Variants in NET1 observed in about 807,000 individuals in gnomAD.
NET1 encodes neuroepithelial cell-transforming gene 1 protein.
A neutral mutation model predicts 61.1 loss-of-function variants in NET1; 42 were observed. The observed-to-expected ratio is 0.69, with a 90% CI of 0.54 to 0.89. The LOEUF (loss-of-function observed/expected upper bound fraction) is 0.89, where lower values mean the gene tolerates loss of function less well. Ranked by LOEUF, NET1 falls within the 40% of genes least tolerant of loss-of-function variation. The probability of loss-of-function intolerance (pLI) is 0.00; values close to 1 mark genes in which losing one functional copy is unlikely to be tolerated. For synonymous variants in NET1, 254 were observed against 281.8 expected (o/e 0.90, Z 0.99); for missense variants, 654 against 747.3 (o/e 0.88, Z 1.46).
chr10:5,428,649 A>G (rs1402356893), intron 2 of NET1, among the ~76,000 whole-genome samples: 1 of 152,064 alleles, frequency 6.6e-6, no homozygotes, highest in Non-Finnish European at 1.5e-5. Context: ...GTGATGACTT[A>G]GTCAGGGGAG....
chr10:5,429,303 A>G, intron 3 of NET1, 74 bp downstream of exon 3: 1 of 1,149,570 alleles, frequency 8.7e-7, no homozygotes, highest in Non-Finnish European at 1.2e-6. Flanking sequence ...TGCTGCAAGA[A>G]TAACAAATGC....
Position 5,452,939 on chromosome 10 carries a change from A to G in NET1, c.594+19A>G. 1 of 1,476,010 alleles carries G rather than the reference A, an allele frequency of 6.8e-7. No homozygotes were observed. The highest frequency in any genetic ancestry group is 9.5e-7 in the Non-Finnish European group (1 of 1,055,666). The allele number at this position is 1,476,010 out of a possible 1,614,324, so 91.4% of individuals were successfully genotyped here. A position where few individuals can be genotyped will look rare whatever the true frequency, so the allele number is the denominator to read the frequency against. ...AAGAAAGGTCAGTAAATAACTTTTT[A>G]TCAGATGCCCTAGTTTTTAAAAATT... On this transcript the variant is annotated intron_variant, in intron 6 of 11. Transcript: ENST00000355029. This position sits in a 1 kb window ranked among gnomAD's most constrained non-coding sequence, Gnocchi z 4.0.
chr10:5,440,452 G>T lies in NET1; in HGVS notation c.255+11223G>T, dbSNP rs908063411. 6.6e-6 allele frequency among the ~76,000 whole-genome samples: 1 copy of T among 152,170 alleles called. No homozygotes were observed. Among genetic ancestry groups the T allele is most frequent in the African/African-American group, 2.4e-5 (1 of 41,436 alleles). On this transcript the variant is annotated intron_variant, in intron 3 of 11. Coordinates refer to ENST00000355029, the MANE Select transcript of NET1 (RefSeq NM_001047160.3). This position sits in a 1 kb window ranked among gnomAD's most constrained non-coding sequence, Gnocchi z 4.1. ...GGAACTACCACTTAAGTTTACAGTG[G>T]TCCACTGTCATTTACCACAGTCCAC... is the stretch of plus-strand genomic sequence containing the variant.
In NET1 at chr10:5,453,322, G is replaced by T. The variant is rs1198987509; in HGVS notation, c.667G>T (p.Asp223Tyr). 6.2e-7 allele frequency: 1 copy of T among 1,611,606 alleles called. No individual in the cohort carries two copies. The highest frequency in any genetic ancestry group is 8.5e-7 in the Non-Finnish European group (1 of 1,177,890). Residue 223 changes from aspartate to tyrosine, a missense_variant, in exon 7 of 12, where the codon GAC becomes TAC. By Grantham distance (160) the Asp-to-Tyr change is radical (BLOSUM62 -3). Coordinates refer to ENST00000355029, the MANE Select transcript of NET1 (RefSeq NM_001047160.3). This position sits in a 1 kb window ranked among gnomAD's most constrained non-coding sequence, Gnocchi z 4.9. The part of the protein sequence containing the change: ...EELTHIFGDL[D>Y]SYIPLHEDLL... ...ACTCACACATATATTTGGTGATCTG[G>T]ACTCTTACATACCTCTGCATGAAGG... is the stretch of plus-strand genomic sequence containing the variant.
In NET1 at chr10:5,422,279, G is replaced by C. The variant is rs1832187404; in HGVS notation, c.129-4376G>C. 6.6e-6 allele frequency among the ~76,000 whole-genome samples: 1 copy of C among 151,928 alleles called. No individual in the cohort carries two copies. Among genetic ancestry groups the C allele is most frequent in the South Asian group, 2.1e-4 (1 of 4,816 alleles). On this transcript the variant is annotated intron_variant, in intron 1 of 11. Transcript: ENST00000355029. This position sits in a 1 kb window ranked among gnomAD's most constrained non-coding sequence, Gnocchi z 4.1. ...TTGAACCCTGGAGGCGGAGGTTGTA[G>C]TGAGCCGAGATCGTACCACTGCACT...
rs147248899 is a variant in NET1 at position 5,435,700 on chromosome 10, T to C, written c.255+6471T>C. ...ACGTATTTGGACTTTGGATATCTTATATGAAGAATTTAATTCTGATGTCAA... is the reference window on the plus strand; with the variant it reads ...ACGTATTTGGACTTTGGATATCTTACATGAAGAATTTAATTCTGATGTCAA... On this transcript the variant is annotated intron_variant, in intron 3 of 11. Coordinates refer to ENST00000355029, the MANE Select transcript of NET1 (RefSeq NM_001047160.3). The surrounding 1 kb of genome is among the most constrained non-coding windows in gnomAD (Gnocchi z 5.0). Among the ~76,000 whole-genome samples, 353 of 152,334 alleles carry C rather than the reference T, an allele frequency of 2.3e-3. 3 individuals carry two copies. The highest frequency in any genetic ancestry group is 8.0e-3 in the African/African-American group (334 of 41,576).
rs546784500 is a variant in NET1 at position 5,430,535 on chromosome 10, C to T, written c.255+1306C>T. 6.6e-5 allele frequency among the ~76,000 whole-genome samples: 10 copies of T among 151,922 alleles called. No individual in the cohort carries two copies. The South Asian group carries it at 1.0e-3, about 16-fold the overall frequency. ...GATTACAGGTGTGTGCCACCATGCC[C>T]GGCTAATTTTTGTATTTTTAGTAGA... is the stretch of plus-strand genomic sequence containing the variant. On this transcript the variant is annotated intron_variant, in intron 3 of 11. Coordinates refer to ENST00000355029, the MANE Select transcript of NET1 (RefSeq NM_001047160.3).
Position 5,453,137 on chromosome 10 carries a change from G to A in NET1, c.595-113G>A, listed in dbSNP as rs1588440323. 1.3e-6 allele frequency: 1 copy of A among 766,756 alleles called. No homozygotes were observed. The highest frequency in any genetic ancestry group is 2.3e-6 in the Non-Finnish European group (1 of 438,718). 47.5% of individuals were successfully genotyped at this position (766,756 alleles called of 1,614,324 possible). The stretch of plus-strand genomic sequence containing the variant: ...TACATACTAATTTATTTTATGTGTA[G>A]CAAACAGAATCCACGCTAGCTTTTA... On this transcript the variant is annotated intron_variant, in intron 6 of 11. Coordinates refer to ENST00000355029, the MANE Select transcript of NET1 (RefSeq NM_001047160.3). The surrounding 1 kb of genome is among the most constrained non-coding windows in gnomAD (Gnocchi z 4.9).
rs754039301 is a variant in NET1 at position 5,456,642 on chromosome 10, C to T, written c.1439C>T (p.Thr480Ile). ...GACCCCTCTCCAGCCCAGTCTCACA[C>T]TCTGCAAGCCAATGACGTGTTCCAC... Reference protein sequence around the residue: ...FHDPSPAQSHTLQANDVFHKQ... With the variant: ...FHDPSPAQSHILQANDVFHKQ... The change falls in exon 12 of 12, where the codon ACT becomes ATT. Residue 480 changes from threonine (T) to isoleucine (I), a missense_variant. By Grantham distance (89) the Thr-to-Ile change is moderately conservative. Coordinates refer to ENST00000355029, the MANE Select transcript of NET1 (RefSeq NM_001047160.3). This position sits in a 1 kb window ranked among gnomAD's most constrained non-coding sequence, Gnocchi z 7.0. 1.2e-6 allele frequency: 2 copies of T among 1,608,402 alleles called. No individual in the cohort carries two copies. Among genetic ancestry groups the T allele is most frequent in the African/African-American group, 2.7e-5 (2 of 74,596 alleles).
In NET1 at chr10:5,451,935, C is replaced by G; in HGVS notation, c.361C>G (p.Gln121Glu). 1 of 1,610,838 alleles carries G rather than the reference C, an allele frequency of 6.2e-7. No individual in the cohort carries two copies. The highest frequency in any genetic ancestry group is 8.5e-7 in the Non-Finnish European group (1 of 1,177,448). Residue 121 changes from glutamine (Q) to glutamate (E), a missense_variant and splice_region_variant, in exon 4 of 12, where the codon CAG (glutamine) becomes GAG (glutamate). Transcript: ENST00000355029. This position sits in a 1 kb window ranked among gnomAD's most constrained non-coding sequence, Gnocchi z 6.1. ...TGTCAGACGTTTTGGTCAAACAATA[C>G]AGGTAAAAAGAGAGGAGGAAGAGTA... The part of the protein sequence containing the change: ...GAVRRFGQTI[Q>E]SFTLRGDHRS...
intron 3 of NET1, among the ~76,000 whole-genome samples, chr10:5,450,639 A>C (rs926066464): frequency 6.6e-6 from 1 of 152,116 alleles, no homozygotes; most frequent in Non-Finnish European, 1.5e-5. Context: ...TAAATTATAT[A>C]TCCTCCTGGA....
Position 5,412,849 on chromosome 10 carries a change from G to C in NET1, c.128+29G>C. On this transcript the variant is annotated intron_variant, in intron 1 of 11. Coordinates refer to ENST00000355029, the MANE Select transcript of NET1 (RefSeq NM_001047160.3). The surrounding 1 kb of genome is among the most constrained non-coding windows in gnomAD (Gnocchi z 6.5). Reference sequence around the variant, plus strand: ...AGTGTGGGGGAGGGGAGGGCCGAACGGGAGGTGAGTGTAGGGGAGCGGAGG... The same window carrying C: ...AGTGTGGGGGAGGGGAGGGCCGAACCGGAGGTGAGTGTAGGGGAGCGGAGG... 7.5e-7 allele frequency: 1 copy of C among 1,339,852 alleles called. No homozygotes were observed. Among genetic ancestry groups the C allele is most frequent in the East Asian group, 3.1e-5 (1 of 32,282 alleles). The allele number at this position is 1,339,852 out of a possible 1,614,324, so 83.0% of individuals were successfully genotyped here. A position where few individuals can be genotyped will look rare whatever the true frequency, so the allele number is the denominator to read the frequency against.
intron 3 of NET1, among the ~76,000 whole-genome samples, chr10:5,429,713 A>G (rs1832318568): frequency 6.6e-6 from 1 of 152,238 alleles, no homozygotes; most frequent in African/African-American, 2.4e-5. Flanking sequence ...GGCTTCAAGT[A>G]TGTGACATAG....
chr10:5,429,235 C>T lies in NET1; in HGVS notation c.255+6C>T. On this transcript the variant is annotated splice_donor_region_variant and intron_variant, in intron 3 of 11. Transcript: ENST00000355029. ...TTAGCAGCCTTGATCTGAAGGTAAGCCCTGCTGCCCTGTTAAAGAAAAGCA... is the reference window on the plus strand; with the variant it reads ...TTAGCAGCCTTGATCTGAAGGTAAGTCCTGCTGCCCTGTTAAAGAAAAGCA... The T allele has an allele frequency of 1.3e-6, 2 of 1,581,354 alleles. No individual in the cohort carries two copies. Among genetic ancestry groups the T allele is most frequent in the Non-Finnish European group, 1.7e-6 (2 of 1,157,070 alleles).
At position 5,443,035 on chromosome 10, in the gene NET1, T is replaced by C. The variant is rs1378997118; in HGVS notation, c.256-8795T>C. On this transcript the variant is annotated intron_variant, in intron 3 of 11. Coordinates refer to ENST00000355029, the MANE Select transcript of NET1 (RefSeq NM_001047160.3). This position sits in a 1 kb window ranked among gnomAD's most constrained non-coding sequence, Gnocchi z 4.8. The stretch of plus-strand genomic sequence containing the variant: ...TATGGTTTCCTCCTCTATAAAAGTA[T>C]TGGCAATTTAGTGAATACTGCTAGC... Among the ~76,000 whole-genome samples the C allele has an allele frequency of 6.6e-6, 1 of 152,228 alleles. No homozygotes were observed. The highest frequency in any genetic ancestry group is 1.5e-5 in the Non-Finnish European group (1 of 68,022).
In NET1 at chr10:5,446,684, C is replaced by A; in HGVS notation, c.256-5146C>A. 1 of 1,379,072 alleles carries A rather than the reference C, an allele frequency of 7.3e-7. No individual in the cohort carries two copies. Among genetic ancestry groups the A allele is most frequent in the Admixed American group, 2.4e-5 (1 of 41,118 alleles). The allele number at this position is 1,379,072 out of a possible 1,614,324, so 85.4% of individuals were successfully genotyped here. A position where few individuals can be genotyped will look rare whatever the true frequency, so the allele number is the denominator to read the frequency against. ...GGTGGCCGAGCTCTGGGAAGAAAAG[C>A]CCGTGTGCCTCTGCATAGCGTCGCT... is the stretch of plus-strand genomic sequence containing the variant. On this transcript the variant is annotated intron_variant, in intron 3 of 11. Coordinates refer to ENST00000355029, the MANE Select transcript of NET1 (RefSeq NM_001047160.3). This position sits in a 1 kb window ranked among gnomAD's most constrained non-coding sequence, Gnocchi z 5.0.
rs116533574 is a variant in NET1 at position 5,415,453 on chromosome 10, C to A, written c.128+2633C>A. Among the ~76,000 whole-genome samples, 1 of 73,678 alleles carries A rather than the reference C, an allele frequency of 1.4e-5. No individual in the cohort carries two copies. The highest frequency in any genetic ancestry group is 2.8e-5 in the Non-Finnish European group (1 of 35,622). The allele number at this position is 73,678 out of a possible 152,430, so 48.3% of individuals were successfully genotyped here. On this transcript the variant is annotated intron_variant, in intron 1 of 11. Transcript: ENST00000355029. This position sits in a 1 kb window ranked among gnomAD's most constrained non-coding sequence, Gnocchi z 4.7. ...CCATCCTTTGCTCTTTTTTTTTTTT[C>A]TTTTGAGACGGAGTCTCAGTCTGTC...
In NET1 at chr10:5,423,273, C is replaced by A. The variant is rs778323547; in HGVS notation, c.129-3382C>A. Among the ~76,000 whole-genome samples the A allele has an allele frequency of 6.6e-6, 1 of 151,996 alleles. No homozygotes were observed. Among genetic ancestry groups the A allele is most frequent in the Non-Finnish European group, 1.5e-5 (1 of 67,982 alleles). ...CGTTTTTTGAAAATATTTATAATTT[C>A]AGGTCAGGTCTTATCTGGCATGATG... On this transcript the variant is annotated intron_variant, in intron 1 of 11. Transcript: ENST00000355029. This position sits in a 1 kb window ranked among gnomAD's most constrained non-coding sequence, Gnocchi z 4.4.
At chr10:5,445,468 T>C (rs1328864374) in intron 3 of NET1, among the ~76,000 whole-genome samples, 1 of 152,248 alleles carries the variant, frequency 6.6e-6, no homozygotes, top group Admixed American at 6.5e-5. Context: ...AAGCCTATTT[T>C]TTTTTATTAC....
Sources: gnomAD v4.1 joint callset for allele counts (sites outside exome capture counted in the v4.1 genomes callset) on GRCh38, gnomAD v4.1.1 for gene constraint, Gnocchi (gnomAD v3.1) non-coding constraint, MANE v1.5 for transcripts, NCBI Gene and HGNC (gene_info 2026-07-23, HGNC 2026-07-21) for gene names.